The following DQX1 variants were observed in gnomAD, a reference collection of about 807,000 sequenced individuals.
DQX1 encodes ATP-dependent RNA helicase homolog DQX1.
DQX1 carries 66 observed loss-of-function variants against 81.3 expected under a neutral mutation model. That is an observed-to-expected ratio of 0.81 (90% CI 0.67 to 1.00). The LOEUF is 1.00. DQX1 is among the 50% of genes least tolerant of loss of function. The pLI is 0.00. For synonymous variants in DQX1, 290 were observed against 350.0 expected (o/e 0.83, Z 1.91); for missense variants, 798 against 867.9 (o/e 0.92, Z 1.01).
intron 8 of DQX1, among the ~76,000 whole-genome samples, chr2:74,522,046 G>A (rs761685837): frequency 6.6e-6 from 1 of 152,180 alleles, no homozygotes; most frequent in Admixed American, 6.5e-5. Flanking sequence ...AAAGATAAAG[G>A]GGATGACCAG....
Position 74,525,352 on chromosome 2 carries a change from TC to T in DQX1, c.237+140del. 8.1e-7 allele frequency: 1 copy of T among 1,238,346 alleles called. No individual in the cohort carries two copies. Among genetic ancestry groups the T allele is most frequent in the Non-Finnish European group, 1.1e-6 (1 of 902,530 alleles). 76.7% of individuals were successfully genotyped at this position (1,238,346 alleles called of 1,614,324 possible). A position where few individuals can be genotyped will look rare whatever the true frequency, so the allele number is the denominator to read the frequency against. ...TCCAGGGCCAACCTAACCCATCCCA[TC>T]TCTCTTCGTTCACCTTCCTCATGAC... On this transcript the variant is annotated intron_variant, in intron 2 of 11. Transcript: ENST00000404568. The surrounding 1 kb of genome is among the most constrained non-coding windows in gnomAD (Gnocchi z 4.1).
In DQX1 at chr2:74,525,481, C is replaced by A. The variant is rs1572986902; in HGVS notation, c.237+12G>T. 1 of 1,551,340 alleles carries A rather than the reference C, an allele frequency of 6.4e-7. No homozygotes were observed. Among genetic ancestry groups the A allele is most frequent in the Non-Finnish European group, 8.7e-7 (1 of 1,146,722 alleles). On this transcript the variant is annotated intron_variant, in intron 2 of 11. Coordinates refer to ENST00000404568, the MANE Select transcript of DQX1 (RefSeq NM_133637.3). The surrounding 1 kb of genome is among the most constrained non-coding windows in gnomAD (Gnocchi z 4.1). ...TCCCAGAATCTGCCTGCCCCCACAA[C>A]CCCCACCACACCTGGGTGCTCTTGC...
At chr2:74,523,780 A>G (rs1300493320) in intron 4 of DQX1, 143 bp downstream of exon 4, 1 of 1,303,226 alleles carries the variant, frequency 7.7e-7, no homozygotes, top group Non-Finnish European at 1.0e-6. Context: ...TGGGACCCCA[A>G]CGGAGAGTAA....
At chr2:74,520,095 A>G (rs910802266) in intron 8 of DQX1, 61 bp from the exon 9 acceptor site, 12 of 1,580,560 alleles carry the variant, frequency 7.6e-6, no homozygotes, top group Non-Finnish European at 1.0e-5. Flanking sequence ...GGATAGTAGT[A>G]CAGGTAGAAT....
chr2:74,525,718 C>A lies in DQX1; in HGVS notation c.12G>T (p.Gln4His). ...CATACTCTTCTGCTAGCCTGAGAGG[C>A]TGAGAGGTCATGGTGGCTCTCTGGC... MTS[Q>H]PLRLAEEYGP... is the part of the protein sequence containing the mutation. Residue 4 changes from glutamine to histidine, a missense_variant, in exon 2 of 12, where the codon CAG (glutamine) becomes CAT (histidine). Gln to His is a conservative substitution (Grantham distance 24, BLOSUM62 0). Transcript: ENST00000404568. The surrounding 1 kb of genome is among the most constrained non-coding windows in gnomAD (Gnocchi z 4.1). The A allele has an allele frequency of 6.4e-7, 1 of 1,551,526 alleles. No homozygotes were observed.
rs1422154656 is a variant in DQX1 at position 74,524,060 on chromosome 2, C to G, written c.679G>C (p.Glu227Gln). 23 of 1,614,082 alleles carry G rather than the reference C, an allele frequency of 1.4e-5. No homozygotes were observed. The highest frequency in any genetic ancestry group is 1.9e-5 in the Non-Finnish European group (23 of 1,180,040). ...ATGGGGGAAGGTCTCTCACCAGGCT[C>G]TCTGGGTATATGCACAATAGGAGGA... is the stretch of plus-strand genomic sequence containing the variant. Reference protein sequence around the residue: ...GNPPIVHIPREPGERPSPIYW... With the variant: ...GNPPIVHIPRQPGERPSPIYW... The change falls in exon 4 of 12, where the codon GAG (glutamate) becomes CAG (glutamine). Residue 227 changes from glutamate (E) to glutamine (Q), a missense_variant. Transcript: ENST00000404568.
At position 74,524,077 on chromosome 2, in the gene DQX1, A is replaced by T. The variant is rs777974142; in HGVS notation, c.662T>A (p.Ile221Asn). The T allele has an allele frequency of 1.2e-6, 2 of 1,614,162 alleles. No individual in the cohort carries two copies. The highest frequency in any genetic ancestry group is 1.7e-6 in the Non-Finnish European group (2 of 1,180,034). The change falls in exon 4 of 12, where the codon ATT (isoleucine) becomes AAT (asparagine). Residue 221 changes from isoleucine to asparagine, a missense_variant. By Grantham distance (149) the Ile-to-Asn change is moderately radical. Transcript: ENST00000404568. ...KLRAFWGNPP[I>N]VHIPREPGER... is the part of the protein sequence containing the mutation. ...ACCAGGCTCTCTGGGTATATGCACAATAGGAGGATTGCCCCAGAAAGCTCG... is the reference window on the plus strand; with the variant it reads ...ACCAGGCTCTCTGGGTATATGCACATTAGGAGGATTGCCCCAGAAAGCTCG...
In DQX1 at chr2:74,522,946, C is replaced by G; in HGVS notation, c.1213G>C (p.Val405Leu). The change falls in exon 7 of 12, where the codon GTG becomes CTG. Residue 405 changes from valine to leucine, a missense_variant. Physicochemically the swap from Val to Leu is conservative, Grantham distance 32. Transcript: ENST00000404568. ...LEAPPLPQPR[V>L]CEENLSSLVL... Reference sequence around the variant, plus strand: ...AGGGAGCTCAGATTCTCCTCACACACCCTGGGTTGTGGCAATGGTGGAGCT... The same window carrying G: ...AGGGAGCTCAGATTCTCCTCACACAGCCTGGGTTGTGGCAATGGTGGAGCT... 1 of 1,614,180 alleles carries G rather than the reference C, an allele frequency of 6.2e-7. No homozygotes were observed. Among genetic ancestry groups the G allele is most frequent in the Non-Finnish European group, 8.5e-7 (1 of 1,180,044 alleles).
chr2:74,518,430 T>C lies in DQX1; in HGVS notation c.*16A>G, dbSNP rs776963702. ...TGTGATGAGATGAACCCAGCTCCAT[T>C]CCATAGGCAGGCAGGTCACTGCAGG... On this transcript the variant is annotated 3_prime_UTR_variant, in exon 12 of 12. Coordinates refer to ENST00000404568, the MANE Select transcript of DQX1 (RefSeq NM_133637.3). 1.1e-5 allele frequency: 17 copies of C among 1,613,438 alleles called. 1 individual carries two copies. Among genetic ancestry groups the C allele is most frequent in the Non-Finnish European group, 1.4e-5 (17 of 1,179,632 alleles).
chr2:74,523,387 T>G lies in DQX1; in HGVS notation c.967A>C (p.Thr323Pro), dbSNP rs761246637. 26 of 1,613,988 alleles carry G rather than the reference T, an allele frequency of 1.6e-5. No homozygotes were observed. The highest frequency in any genetic ancestry group is 1.7e-5 in the Non-Finnish European group (20 of 1,180,018). Reference sequence around the variant, plus strand: ...AAGGAGAAGTCAGCCAGCCAGTGAGTGACCACAACCTTTCGGGCATCCATG... The same window carrying G: ...AAGGAGAAGTCAGCCAGCCAGTGAGGGACCACAACCTTTCGGGCATCCATG... ...EDMDARKVVV[T>P]HWLADFSFSL... Residue 323 changes from threonine to proline, a missense_variant, in exon 5 of 12, where the codon ACT (threonine) becomes CCT (proline). Physicochemically the swap from Thr to Pro is conservative, Grantham distance 38 (BLOSUM62 -1). Transcript: ENST00000404568.
chr2:74,518,396 A>G lies in DQX1; in HGVS notation c.*50T>C, dbSNP rs1674941494. On this transcript the variant is annotated 3_prime_UTR_variant, in exon 12 of 12. Coordinates refer to ENST00000404568, the MANE Select transcript of DQX1 (RefSeq NM_133637.3). ...GGGTGCTTTGGTGTCACCCTGAGGG[A>G]TAATCTAATGTGATGAGATGAACCC... 3.8e-6 allele frequency: 6 copies of G among 1,596,964 alleles called. No homozygotes were observed. Among genetic ancestry groups the G allele is most frequent in the Non-Finnish European group, 4.3e-6 (5 of 1,168,090 alleles).
Position 74,520,161 on chromosome 2 carries a change from T to C in DQX1, c.1496-127A>G, listed in dbSNP as rs184878733. 3.9e-5 allele frequency: 48 copies of C among 1,240,310 alleles called. No homozygotes were observed. In the East Asian group the frequency reaches 1.1e-3, roughly 30 times the overall value. 76.8% of individuals were successfully genotyped at this position (1,240,310 alleles called of 1,614,324 possible). On this transcript the variant is annotated intron_variant, in intron 8 of 11. Coordinates refer to ENST00000404568, the MANE Select transcript of DQX1 (RefSeq NM_133637.3). ...CTTTATTCAAAAGACATAGATAACT[T>C]CTAGGTGCTATGCACTTTATTAAAC...
intron 3 of DQX1, among the ~76,000 whole-genome samples, 174 bp from the exon 4 acceptor site, chr2:74,524,481 A>C (rs1480785645): frequency 6.6e-6 from 1 of 152,184 alleles, no homozygotes; most frequent in African/African-American, 2.4e-5. Context: ...CGCTGAGAAC[A>C]CTTTGTTCAC....
Position 74,526,092 on chromosome 2 carries a change from G to C in DQX1, c.-20+44C>G, listed in dbSNP as rs550108133. 1.6e-3 allele frequency: 370 copies of C among 236,258 alleles called. 2 individuals carry two copies. The highest frequency in any genetic ancestry group is 8.1e-4 in the Non-Finnish European group (97 of 119,744). The allele number at this position is 236,258 out of a possible 1,614,324, so 14.6% of individuals were successfully genotyped here. A position where few individuals can be genotyped will look rare whatever the true frequency, so the allele number is the denominator to read the frequency against. ...GGGAAAAGGATAAAGAATATAGGGG[G>C]TGGGGAGAGGAACAGCAGAGTCACA... On this transcript the variant is annotated intron_variant, in intron 1 of 11. Transcript: ENST00000404568.
intron 4 of DQX1, 50 bp from the exon 5 acceptor site, chr2:74,523,587 G>T: frequency 6.5e-7 from 1 of 1,548,812 alleles, no homozygotes; most frequent in South Asian, 1.1e-5. Context: ...CGTTTTTTGG[G>T]GTCACAGATC....
Position 74,519,604 on chromosome 2 carries a change from C to T in DQX1, c.1758G>A (p.Gln586=), listed in dbSNP as rs1558600791. Residue 586 remains glutamine, a synonymous_variant, in exon 10 of 12, where the codon CAG becomes CAA. Transcript: ENST00000404568. ...PLSLPAFGSE[Q]NRRDLQKALV... Reference sequence around the variant, plus strand: ...GTGCTTTCTGAAGGTCTCTGCGATTCTGCTCAGAGCCAAAGGCTGGTAGGG... The same window carrying T: ...GTGCTTTCTGAAGGTCTCTGCGATTTTGCTCAGAGCCAAAGGCTGGTAGGG... 1 of 1,614,238 alleles carries T rather than the reference C, an allele frequency of 6.2e-7. No homozygotes were observed. The highest frequency in any genetic ancestry group is 8.5e-7 in the Non-Finnish European group (1 of 1,180,044).
In DQX1 at chr2:74,525,672, C is replaced by T; in HGVS notation, c.58G>A (p.Glu20Lys). The change falls in exon 2 of 12, where the codon GAA (glutamate) becomes AAA (lysine). Residue 20 changes from glutamate (E) to lysine (K), a missense_variant. By Grantham distance (56) the Glu-to-Lys change is moderately conservative. Coordinates refer to ENST00000404568, the MANE Select transcript of DQX1 (RefSeq NM_133637.3). The surrounding 1 kb of genome is among the most constrained non-coding windows in gnomAD (Gnocchi z 4.1). ...EEYGPSPGES[E>K]LAVNPFDGLP... ...CCATCAAAGGGGTTCACAGCCAGTT[C>T]AGACTCCCCAGGACTTGGGCCATAC... 6.4e-7 allele frequency: 1 copy of T among 1,551,770 alleles called. No individual in the cohort carries two copies. Among genetic ancestry groups the T allele is most frequent in the Non-Finnish European group, 8.7e-7 (1 of 1,147,020 alleles).
chr2:74,522,842 G>T lies in DQX1; in HGVS notation c.1303+14C>A, dbSNP rs1675064500. The T allele has an allele frequency of 6.2e-7, 1 of 1,612,712 alleles. No homozygotes were observed. The highest frequency in any genetic ancestry group is 1.3e-5 in the African/African-American group (1 of 74,906). ...GTGGTCAGATGGCAGTGCTTGGGCA[G>T]GAGAGGTGCTCACCAGGCTGGTCCA... is the stretch of plus-strand genomic sequence containing the variant. On this transcript the variant is annotated intron_variant, in intron 7 of 11. Coordinates refer to ENST00000404568, the MANE Select transcript of DQX1 (RefSeq NM_133637.3).
At position 74,519,103 on chromosome 2, in the gene DQX1, T is replaced by A; in HGVS notation, c.1934A>T (p.Tyr645Phe). The change falls in exon 11 of 12, where the codon TAC (tyrosine) becomes TTC (phenylalanine). Residue 645 changes from tyrosine to phenylalanine, a missense_variant. Transcript: ENST00000404568. The stretch of plus-strand genomic sequence containing the variant: ...GTCTTTGGATATGGTGAAATTGTGG[T>A]AGAGCACCCATGGTGGGGGTCTGGC... ...APARPPPWVLYHNFTISKDNC... is the reference protein window; with the variant it reads ...APARPPPWVLFHNFTISKDNC... The A allele has an allele frequency of 6.2e-7, 1 of 1,609,876 alleles. No individual in the cohort carries two copies. The highest frequency in any genetic ancestry group is 8.5e-7 in the Non-Finnish European group (1 of 1,178,702).
Sources: gnomAD v4.1 joint callset for allele counts (sites outside exome capture counted in the v4.1 genomes callset) on GRCh38, gnomAD v4.1.1 for gene constraint, Gnocchi (gnomAD v3.1) non-coding constraint, MANE v1.5 for transcripts, NCBI Gene and HGNC (gene_info 2026-07-23, HGNC 2026-07-21) for gene names.